The following RNLS variants were observed in gnomAD, a reference collection of about 807,000 sequenced individuals.
RNLS encodes the protein renalase.
RNLS carries 39 observed loss-of-function variants against 39.8 expected under a neutral mutation model. The observed-to-expected ratio is 0.98, with a 90% CI of 0.76 to 1.28. The LOEUF (loss-of-function observed/expected upper bound fraction) is 1.28. RNLS is among the 50% of genes most tolerant of loss of function. The pLI is 0.00. For synonymous variants in RNLS, 147 were observed against 150.7 expected (o/e 0.98, Z 0.18); for missense variants, 410 against 413.3 (o/e 0.99, Z 0.07).
chr10:88,181,473 A>G, the RNLS span, among the ~76,000 whole-genome samples: 1 of 152,176 alleles, frequency 6.6e-6, no homozygotes, highest in Non-Finnish European at 1.5e-5. Context: ...GTTTTCGGCA[A>G]CTAAGCCTGT....
intron 6 of RNLS, among the ~76,000 whole-genome samples, chr10:88,288,662 G>C: frequency 6.6e-6 from 1 of 152,164 alleles, no homozygotes; most frequent in African/African-American, 2.4e-5. Flanking sequence ...CAGTCATGAG[G>C]TGGTAATTTA....
chr10:88,496,793 T>A (rs1282532515), intron 4 of RNLS, among the ~76,000 whole-genome samples: 1 of 152,132 alleles, frequency 6.6e-6, no homozygotes, highest in Non-Finnish European at 1.5e-5. Context: ...CTTCCTATGA[T>A]ATGCAGCCAG....
chr10:88,316,364 A>G (rs528808176), intron 5 of RNLS, among the ~76,000 whole-genome samples: 1 of 152,328 alleles, frequency 6.6e-6, no homozygotes, highest in East Asian at 1.9e-4. Flanking sequence ...CACAGTGAGA[A>G]ATCTATTGCA....
chr10:88,309,771 G>A (rs1464722098), intron 6 of RNLS, among the ~76,000 whole-genome samples: 1 of 152,204 alleles, frequency 6.6e-6, no homozygotes, highest in African/African-American at 2.4e-5. Context: ...GTTATTAAGA[G>A]AGCAAAGAGA....
chr10:88,405,534 G>A (rs1853210363), intron 4 of RNLS, among the ~76,000 whole-genome samples: 1 of 151,964 alleles, frequency 6.6e-6, no homozygotes, highest in Non-Finnish European at 1.5e-5. Context: ...TGCTTTTGGT[G>A]TCCTTTCGCA....
intron 4 of RNLS, among the ~76,000 whole-genome samples, chr10:88,490,558 C>T (rs117753884): frequency 2.0e-5 from 3 of 152,268 alleles, no homozygotes; most frequent in East Asian, 1.9e-4. Context: ...GCAGGAGTAA[C>T]GTCTTCTAGC....
At chr10:88,541,975 T>C (rs1848068592) in intron 4 of RNLS, among the ~76,000 whole-genome samples, 1 of 152,082 alleles carries the variant, frequency 6.6e-6, no homozygotes, top group African/African-American at 2.4e-5. Flanking sequence ...AAGGACATGA[T>C]GAGGTATTTC....
At chr10:88,302,993 A>G (rs2132967938) in intron 6 of RNLS, among the ~76,000 whole-genome samples, 1 of 152,348 alleles carries the variant, frequency 6.6e-6, no homozygotes, top group East Asian at 1.9e-4. Flanking sequence ...CTGAGGGAAG[A>G]CACAGAAGCT....
chr10:88,217,425 C>T, the RNLS span, among the ~76,000 whole-genome samples: 1 of 152,088 alleles, frequency 6.6e-6, no homozygotes, highest in South Asian at 2.1e-4. Context: ...AAGATCACAA[C>T]CTTCCTCAAA....
chr10:88,495,451 T>A (rs1262294980), intron 4 of RNLS, among the ~76,000 whole-genome samples: 1 of 152,154 alleles, frequency 6.6e-6, no homozygotes, highest in African/African-American at 2.4e-5. Context: ...GACAAGTAGA[T>A]TAAACTTTGC....
intron 4 of RNLS, among the ~76,000 whole-genome samples, chr10:88,379,687 GAAACT>G: frequency 6.6e-6 from 1 of 152,144 alleles, no homozygotes. Context: ...CCCTTCCCTT[GAAACT>G]AAGAGGGTCT....
At chr10:88,355,449 G>C (rs1302672671) in intron 5 of RNLS, among the ~76,000 whole-genome samples, 1 of 152,218 alleles carries the variant, frequency 6.6e-6, no homozygotes, top group African/African-American at 2.4e-5. Flanking sequence ...ACCCTCAGCT[G>C]CAGGTCTGTT....
intron 6 of RNLS, among the ~76,000 whole-genome samples, chr10:88,301,477 G>A (rs969822992): frequency 6.6e-5 from 10 of 152,162 alleles, no homozygotes; most frequent in African/African-American, 1.2e-4. Flanking sequence ...TTGGTTATCC[G>A]AAGGTCACTA....
At chr10:88,343,412 C>T in intron 5 of RNLS, 2 of 498,956 alleles carry the variant, frequency 4.0e-6, no homozygotes, top group Non-Finnish European at 5.2e-6. Flanking sequence ...TTGGTGGCTC[C>T]ATTTTCAAAA....
At chr10:88,398,396 C>G (rs1266531219) in intron 4 of RNLS, among the ~76,000 whole-genome samples, 1 of 151,854 alleles carries the variant, frequency 6.6e-6, no homozygotes, top group East Asian at 1.9e-4. Context: ...TGGATAGTGG[C>G]CCAGAGTGTG....
the RNLS span, among the ~76,000 whole-genome samples, chr10:88,263,861 T>A: frequency 3.9e-5 from 6 of 152,178 alleles, no homozygotes; most frequent in African/African-American, 1.2e-4. Context: ...AAACAGGTGG[T>A]GTTTTATTAT....
chr10:88,433,172 T>C (rs1025205876), intron 4 of RNLS, among the ~76,000 whole-genome samples: 3 of 152,080 alleles, frequency 2.0e-5, no homozygotes, highest in African/African-American at 7.2e-5. Context: ...GTCTGATGAC[T>C]TGAGGTAGAA....
chr10:88,227,978 C>T, the RNLS span, among the ~76,000 whole-genome samples: 57 of 152,180 alleles, frequency 3.7e-4, no homozygotes, highest in East Asian at 7.4e-3. Flanking sequence ...CTAAAACTGC[C>T]GGGTATTCAT....
At chr10:88,506,605 A>C (rs898413399) in intron 4 of RNLS, among the ~76,000 whole-genome samples, 5 of 151,812 alleles carry the variant, frequency 3.3e-5, no homozygotes, top group Admixed American at 6.6e-5. Context: ...TCTATATATA[A>C]GAAGAGAAAA....
Sources: gnomAD v4.1 joint callset for allele counts (sites outside exome capture counted in the v4.1 genomes callset) on GRCh38, gnomAD v4.1.1 for gene constraint, MANE v1.5 for transcripts, NCBI Gene and HGNC (gene_info 2026-07-23, HGNC 2026-07-21) for gene names.